The following PTPRJ variants were observed in gnomAD, a reference collection of about 807,000 sequenced individuals.
PTPRJ encodes protein tyrosine phosphatase receptor type J, also known as receptor-type tyrosine-protein phosphatase eta.
PTPRJ carries 129 observed loss-of-function variants against 141.3 expected under a neutral mutation model. The observed-to-expected ratio is 0.91, with a 90% CI of 0.79 to 1.06. PTPRJ has a LOEUF of 1.06. PTPRJ is among the 50% of genes least tolerant of loss of function. PTPRJ has a pLI of 0.00. For missense variants in PTPRJ, 1,601 were observed against 1,679.7 expected, an observed-to-expected ratio of 0.95 and a Z score of 0.82; for synonymous variants, 610 against 640.5, an observed-to-expected ratio of 0.95 and a Z score of 0.72.
chr11:48,140,998 T>C (rs1351986826), intron 11 of PTPRJ, among the ~76,000 whole-genome samples: 1 of 152,132 alleles, frequency 6.6e-6, no homozygotes. Flanking sequence ...ATGTTGTGGT[T>C]GTTTTGGAGT....
At chr11:48,092,989 T>C (rs1000069164) in intron 1 of PTPRJ, among the ~76,000 whole-genome samples, 1 of 152,240 alleles carries the variant, frequency 6.6e-6, no homozygotes, top group Non-Finnish European at 1.5e-5. Flanking sequence ...AATGCTTTTC[T>C]GCATTCACTG....
chr11:48,117,539 T>TCA (rs1856598667), intron 3 of PTPRJ, among the ~76,000 whole-genome samples: 2 of 43,374 alleles, frequency 4.6e-5, no homozygotes, highest in African/African-American at 1.3e-4. Flanking sequence ...AGATTCTGTC[T>TCA]CAAAAAAAAA....
intron 1 of PTPRJ, among the ~76,000 whole-genome samples, chr11:48,078,457 A>G (rs913357269): frequency 6.6e-6 from 1 of 152,206 alleles, no homozygotes; most frequent in Non-Finnish European, 1.5e-5. Flanking sequence ...CCCTACAGAG[A>G]TGGGCTTCAA....
Position 48,167,939 on chromosome 11 carries a change from T to G in PTPRJ, c.*577T>G, listed in dbSNP as rs900155793. On this transcript the variant is annotated 3_prime_UTR_variant, in exon 25 of 25. Coordinates refer to ENST00000418331, the MANE Select transcript of PTPRJ (RefSeq NM_002843.4). ...TCAGTAGAGATCTATATTTTTGTAC[T>G]GAATCTCATAATTGGAATATACGGA... The G allele has an allele frequency of 6.6e-6, 1 of 152,254 alleles. No homozygotes were observed. The highest frequency in any genetic ancestry group is 2.4e-5 in the African/African-American group (1 of 41,456). 9.4% of individuals were successfully genotyped at this position (152,254 alleles called of 1,614,324 possible).
Position 48,023,909 on chromosome 11 carries a change from A to C in PTPRJ, c.96+42901A>C, listed in dbSNP as rs150971558. Among the ~76,000 whole-genome samples, 1,012 of 152,110 alleles carry C rather than the reference A, an allele frequency of 6.7e-3. 14 individuals carry two copies. The highest frequency in any genetic ancestry group is 0.023 in the African/African-American group (962 of 41,524). On this transcript the variant is annotated intron_variant, in intron 1 of 24. Coordinates refer to ENST00000418331, the MANE Select transcript of PTPRJ (RefSeq NM_002843.4). ...TTTTTTGGTCAAAACCAGAATTTTG[A>C]TTATGTGTGCCATCCTAGGCTACCT...
At chr11:48,044,546 A>G (rs1236839089) in intron 1 of PTPRJ, among the ~76,000 whole-genome samples, 1 of 152,154 alleles carries the variant, frequency 6.6e-6, no homozygotes, top group Non-Finnish European at 1.5e-5. Context: ...ATATGTAACA[A>G]CTGGGTTTTG....
In PTPRJ at chr11:48,079,125, A is replaced by C. The variant is rs190993097; in HGVS notation, c.97-30933A>C. 2.7e-3 allele frequency among the ~76,000 whole-genome samples: 408 copies of C among 152,156 alleles called. 1 individual carries two copies. The highest frequency in any genetic ancestry group is 9.5e-3 in the African/African-American group (394 of 41,504). On this transcript the variant is annotated intron_variant, in intron 1 of 24. Coordinates refer to ENST00000418331, the MANE Select transcript of PTPRJ (RefSeq NM_002843.4). ...AGAATTGTCTTGGGCCCCACATAAA[A>C]TACACCAACACTAACAATAGCTGAT...
intron 1 of PTPRJ, among the ~76,000 whole-genome samples, chr11:48,057,446 T>C (rs944997119): frequency 6.6e-6 from 1 of 152,156 alleles, no homozygotes; most frequent in Non-Finnish European, 1.5e-5. Flanking sequence ...TCTTGGAGAA[T>C]GCAGCTTAGT....
chr11:48,000,180 G>T (rs1807476959), intron 1 of PTPRJ, among the ~76,000 whole-genome samples: 1 of 120,094 alleles, frequency 8.3e-6, no homozygotes, highest in Non-Finnish European at 1.7e-5. Flanking sequence ...GTGTTCTGTT[G>T]CCCAGGCTGG....
rs1428145813 is a variant in PTPRJ, at chr11:48,028,299, C to T, written c.96+47291C>T. Among the ~76,000 whole-genome samples, 4 of 152,290 alleles carry T rather than the reference C, an allele frequency of 2.6e-5. No individual in the cohort carries two copies. The East Asian group carries it at 7.7e-4, about 29-fold the overall frequency. On this transcript the variant is annotated intron_variant, in intron 1 of 24. Transcript: ENST00000418331. ...CACTGTCCTCTCTCCTCATGGGCAG[C>T]CTGAGAATGTGGACCCAAGGTAGCC...
At chr11:48,002,975 C>T (rs916925005) in intron 1 of PTPRJ, among the ~76,000 whole-genome samples, 1 of 152,014 alleles carries the variant, frequency 6.6e-6, no homozygotes, top group African/African-American at 2.4e-5. Flanking sequence ...CCCTTTATCC[C>T]CCCCATCACA....
chr11:48,049,545 C>CAAAAG (rs1388561543), intron 1 of PTPRJ, among the ~76,000 whole-genome samples: 7 of 150,828 alleles, frequency 4.6e-5, no homozygotes, highest in African/African-American at 1.7e-4. Flanking sequence ...CAAAACAAAA[C>CAAAAG]AAAACAAAAC....
chr11:48,132,517 C>T (rs987483954), intron 8 of PTPRJ: 1 of 981,700 alleles, frequency 1.0e-6, no homozygotes, highest in South Asian at 4.7e-5. Context: ...GAAAAACATA[C>T]AGTCTTCCTT....
intron 1 of PTPRJ, among the ~76,000 whole-genome samples, chr11:48,100,531 G>A (rs369767175): frequency 3.3e-5 from 5 of 152,254 alleles, no homozygotes; most frequent in African/African-American, 1.2e-4. Flanking sequence ...GCAGTTTTAG[G>A]TTCACAGCAA....
At chr11:48,065,233 C>T (rs1345298832) in intron 1 of PTPRJ, among the ~76,000 whole-genome samples, 9 of 151,976 alleles carry the variant, frequency 5.9e-5, no homozygotes, top group Admixed American at 1.3e-4. Context: ...AGGCTGGTCT[C>T]GAACTCCCGA....
At position 48,059,184 on chromosome 11, in the gene PTPRJ, G is replaced by A. The variant is rs965095031; in HGVS notation, c.97-50874G>A. 7.6e-5 allele frequency among the ~76,000 whole-genome samples: 11 copies of A among 143,910 alleles called. No individual in the cohort carries two copies. The East Asian group carries it at 2.0e-3, about 26-fold the overall frequency. 94.4% of individuals were successfully genotyped at this position (143,910 alleles called of 152,430 possible). On this transcript the variant is annotated intron_variant, in intron 1 of 24. Transcript: ENST00000418331. ...ATTGCCCAGGCTGTAGAGCAATGGCGTGATCTCAGCTCACTGCAACCTCTG... is the reference window on the plus strand; with the variant it reads ...ATTGCCCAGGCTGTAGAGCAATGGCATGATCTCAGCTCACTGCAACCTCTG...
rs1023616674 is a variant in PTPRJ, at chr11:48,070,685, C to A, written c.97-39373C>A. Among the ~76,000 whole-genome samples, 5 of 152,156 alleles carry A rather than the reference C, an allele frequency of 3.3e-5. No individual in the cohort carries two copies. The East Asian group carries it at 5.8e-4, about 18-fold the overall frequency. On this transcript the variant is annotated intron_variant, in intron 1 of 24. Transcript: ENST00000418331. ...TATAGTTTAATTCACCTGAGTAATA[C>A]GCTTATGCGAGGGGATTTCTCCATG...
intron 3 of PTPRJ, among the ~76,000 whole-genome samples, chr11:48,120,593 TTTTTTTTTG>T (rs1301303790): frequency 6.6e-6 from 1 of 151,444 alleles, no homozygotes; most frequent in East Asian, 1.9e-4. Context: ...ACCCAGCTAA[TTTTTTTTTG>T]TTTTTTTTGT....
At chr11:47,997,388 T>A (rs771998773) in intron 1 of PTPRJ, among the ~76,000 whole-genome samples, 4 of 152,226 alleles carry the variant, frequency 2.6e-5, no homozygotes, top group Non-Finnish European at 5.9e-5. Flanking sequence ...TTCCTCCCCG[T>A]GAGACCGTAG....
Sources: gnomAD v4.1 joint callset for allele counts (sites outside exome capture counted in the v4.1 genomes callset) on GRCh38, gnomAD v4.1.1 for gene constraint, MANE v1.5 for transcripts, NCBI Gene and HGNC (gene_info 2026-07-23, HGNC 2026-07-21) for gene names.